The following UBR4 variants were observed in gnomAD, a reference collection of about 807,000 sequenced individuals.
UBR4 encodes E3 ubiquitin-protein ligase UBR4.
A neutral mutation model predicts 575.6 loss-of-function variants in UBR4; 124 were observed. That is an observed-to-expected ratio of 0.22 (90% CI 0.19 to 0.25). The LOEUF is 0.25. Ranked by LOEUF, UBR4 falls within the 10% of genes least tolerant of loss-of-function variation. The pLI is 1.00. For missense variants in UBR4, 4,818 were observed against 6,478.8 expected (o/e 0.74, Z 8.80); for synonymous variants, 2,455 against 2,473.7 (o/e 0.99, Z 0.22).
rs796268331 is a variant in UBR4, at chr1:19,084,426, A to G, written c.15008+78T>C. The G allele has an allele frequency of 8.9e-6, 13 of 1,462,298 alleles. No homozygotes were observed. The African/African-American group carries it at 1.7e-4, about 19-fold the overall frequency. 90.6% of individuals were successfully genotyped at this position (1,462,298 alleles called of 1,614,324 possible). A position where few individuals can be genotyped will look rare whatever the true frequency, so the allele number is the denominator to read the frequency against. On this transcript the variant is annotated intron_variant, in intron 102 of 105. Coordinates refer to ENST00000375254, the MANE Select transcript of UBR4 (RefSeq NM_020765.3). ...TCCGGAACTAGCATGAGAGGCTATG[A>G]AAAAGCTGAGGGGATCTCGGGCAGA...
intron 71 of UBR4, chr1:19,118,562 AGGTACAC>A (rs1400937634): frequency 3.7e-6 from 1 of 270,828 alleles, no homozygotes; most frequent in Non-Finnish European, 7.0e-6. Flanking sequence ...CTGGGACCAC[AGGTACAC>A]GCCACCACGC....
intron 87 of UBR4, among the ~76,000 whole-genome samples, chr1:19,102,890 ATCAAGTGGCAGGGAAAAATCTCC>A (rs1363226288): frequency 2.0e-5 from 3 of 152,154 alleles, no homozygotes; most frequent in African/African-American, 7.2e-5. Flanking sequence ...AAACTTTACC[ATCAAGTGGCAGGGAAAAATCTCC>A]TCTGAAAACT....
intron 73 of UBR4, among the ~76,000 whole-genome samples, chr1:19,116,211 TG>T (rs1162843450): frequency 6.6e-6 from 1 of 152,242 alleles, no homozygotes; most frequent in Non-Finnish European, 1.5e-5. Flanking sequence ...CCTTAAACCC[TG>T]GAAGTGGGGT....
chr1:19,184,316 T>A (rs1312496382), intron 15 of UBR4, 141 bp from the exon 16 acceptor site: 4 of 933,414 alleles, frequency 4.3e-6, no homozygotes, highest in Non-Finnish European at 6.2e-6. Flanking sequence ...AGATTTTAAA[T>A]CACTTACAGT....
chr1:19,113,557 A>G, intron 77 of UBR4, 142 bp downstream of exon 77: 3 of 1,318,278 alleles, frequency 2.3e-6, no homozygotes, highest in Non-Finnish European at 2.1e-6. Context: ...TGGTGCAGCC[A>G]TCTGCCTGCC....
chr1:19,105,880 G>C, intron 83 of UBR4, 38 bp from the exon 84 acceptor site: 2 of 1,479,592 alleles, frequency 1.4e-6, no homozygotes, highest in Non-Finnish European at 1.8e-6. Flanking sequence ...TAGACTCAGA[G>C]GATGCCCTGC....
intron 3 of UBR4, 130 bp from the exon 4 acceptor site, chr1:19,199,058 G>C (rs920417049): frequency 4.6e-5 from 46 of 1,002,456 alleles, no homozygotes; most frequent in Non-Finnish European, 6.4e-5. Flanking sequence ...AGCAAAGACT[G>C]CAAGCTGATG....
rs1571127213 is a variant in UBR4, at chr1:19,148,478, G to A, written c.7494+85C>T. ...ATTATGCTACTATAAATGTTCTTTA[G>A]CTTCGAGGCCTCAGGGCCTCGGGCA... is the stretch of plus-strand genomic sequence containing the variant. On this transcript the variant is annotated intron_variant, in intron 50 of 105. Coordinates refer to ENST00000375254, the MANE Select transcript of UBR4 (RefSeq NM_020765.3). The A allele has an allele frequency of 1.2e-5, 18 of 1,492,718 alleles. No individual in the cohort carries two copies. The East Asian group carries it at 4.1e-4, about 34-fold the overall frequency. 92.5% of individuals were successfully genotyped at this position (1,492,718 alleles called of 1,614,324 possible).
chr1:19,103,061 G>A (rs903008974), intron 87 of UBR4, among the ~76,000 whole-genome samples: 2 of 152,120 alleles, frequency 1.3e-5, no homozygotes, highest in African/African-American at 4.8e-5. Context: ...CTCCTCTGGA[G>A]AAACCCATCT....
chr1:19,141,670 C>G lies in UBR4; in HGVS notation c.8287G>C (p.Asp2763His). 3 of 1,614,196 alleles carry G rather than the reference C, an allele frequency of 1.9e-6. No individual in the cohort carries two copies. The highest frequency in any genetic ancestry group is 2.5e-6 in the Non-Finnish European group (3 of 1,180,012). The part of the protein sequence containing the change: ...RQESQEQSEV[D>H]HGDFEMVSES... Reference sequence around the variant, plus strand: ...ACCACCATCTCAAAATCTCCATGGTCCACCTCACTCTGTTCCTGGCTTTCC... The same window carrying G: ...ACCACCATCTCAAAATCTCCATGGTGCACCTCACTCTGTTCCTGGCTTTCC... Residue 2763 changes from aspartate to histidine, a missense_variant, in exon 56 of 106, where the codon GAC becomes CAC. Physicochemically the swap from Asp to His is moderately conservative, Grantham distance 81. This residue lies in a region of UBR4 where 129 missense variants were observed against 198.4 expected (regional missense o/e 0.65). Coordinates refer to ENST00000375254, the MANE Select transcript of UBR4 (RefSeq NM_020765.3).
intron 81 of UBR4, among the ~76,000 whole-genome samples, chr1:19,108,782 C>T (rs966334339): frequency 1.3e-5 from 2 of 152,284 alleles, no homozygotes; most frequent in Admixed American, 1.3e-4. Context: ...CTTTGACAGT[C>T]TCAAGAACAC....
At chr1:19,123,191 G>A (rs1418092832) in intron 65 of UBR4, 131 bp from the exon 66 acceptor site, 18 of 962,368 alleles carry the variant, frequency 1.9e-5, no homozygotes, top group Non-Finnish European at 2.6e-5. Context: ...GTGGCTCACA[G>A]CTGTAATCCC....
Position 19,165,512 on chromosome 1 carries a change from G to C in UBR4, c.4211+144C>G, listed in dbSNP as rs950908212. 1.2e-5 allele frequency: 13 copies of C among 1,047,112 alleles called. No homozygotes were observed. The Admixed American group carries it at 3.1e-4, about 25-fold the overall frequency. 64.9% of individuals were successfully genotyped at this position (1,047,112 alleles called of 1,614,324 possible). ...ACCCCCTCACCAACAACCCCAAGGA[G>C]TCAGCAATTAACTCCCCAAAGTGCA... On this transcript the variant is annotated intron_variant, in intron 30 of 105. Coordinates refer to ENST00000375254, the MANE Select transcript of UBR4 (RefSeq NM_020765.3).
chr1:19,163,706 A>G, intron 34 of UBR4, 58 bp downstream of exon 34: 1 of 1,562,558 alleles, frequency 6.4e-7, no homozygotes, highest in Non-Finnish European at 8.8e-7. Context: ...CCACCTGACC[A>G]CAGAGGTGAG....
intron 99 of UBR4, 75 bp downstream of exon 99, chr1:19,087,741 G>C: frequency 8.1e-7 from 1 of 1,230,488 alleles, no homozygotes; most frequent in East Asian, 2.5e-5. Flanking sequence ...AAAATGGCCT[G>C]GAGGAGGGGG....
At chr1:19,123,452 A>AC (rs1451661240) in intron 65 of UBR4, among the ~76,000 whole-genome samples, 1 of 15,678 alleles carries the variant, frequency 6.4e-5, no homozygotes, top group Non-Finnish European at 1.1e-4. Context: ...ACTTGGTCTT[A>AC]AAAAAAAAAA....
chr1:19,107,031 G>A (rs906481485), intron 81 of UBR4, 65 bp from the exon 82 acceptor site: 3 of 1,586,918 alleles, frequency 1.9e-6, no homozygotes, highest in African/African-American at 1.3e-5. Context: ...AGCCCCAACA[G>A]CATGGCACTG....
Position 19,126,504 on chromosome 1 carries a change from G to A in UBR4, c.9380C>T (p.Pro3127Leu). Residue 3127 changes from proline to leucine, a missense_variant, in exon 64 of 106, where the codon CCA (proline) becomes CTA (leucine). This residue lies in a region of UBR4 where 550 missense variants were observed against 791.5 expected (regional missense o/e 0.69). Transcript: ENST00000375254. ...EPVATSQLLK[P>L]HTTSSPPDMS... ...GTCAGGTGGGGAGGAGGTAGTATGT[G>A]GTTTCAGCAACTGGCTGGTAGCCAC... 6.2e-7 allele frequency: 1 copy of A among 1,614,208 alleles called. No homozygotes were observed. The highest frequency in any genetic ancestry group is 8.5e-7 in the Non-Finnish European group (1 of 1,180,030).
chr1:19,186,684 G>A, intron 13 of UBR4, 27 bp from the exon 14 acceptor site: 4 of 1,607,000 alleles, frequency 2.5e-6, no homozygotes, highest in Non-Finnish European at 3.4e-6. Flanking sequence ...TACAAAACCG[G>A]AGCCATCCTA....
Sources: gnomAD v4.1 joint callset for allele counts (sites outside exome capture counted in the v4.1 genomes callset) on GRCh38, gnomAD v4.1.1 for gene constraint, gnomAD v4.1.1 regional missense constraint, MANE v1.5 for transcripts, NCBI Gene and HGNC (gene_info 2026-07-23, HGNC 2026-07-21) for gene names.